ASB15: variants seen among roughly 807,000 people sequenced by gnomAD.
The protein encoded by ASB15 is ankyrin repeat and SOCS box containing 15.
A neutral mutation model predicts 58.0 loss-of-function variants in ASB15; 54 were observed. The ratio of observed to expected loss-of-function variants is 0.93; its 90% CI spans 0.75 to 1.17. The LOEUF (loss-of-function observed/expected upper bound fraction) is 1.17, where lower values mean the gene tolerates loss of function less well. ASB15 is among the 50% of genes most tolerant of loss of function. The pLI is 0.00. For missense variants in ASB15, 680 were observed against 707.4 expected (o/e 0.96, Z 0.44); for synonymous variants, 249 against 262.4 (o/e 0.95, Z 0.50).
At chr7:123,584,608 G>T (rs923646122) in intron 1 of ASB15, among the ~76,000 whole-genome samples, 11 of 151,840 alleles carry the variant, frequency 7.2e-5, no homozygotes, top group African/African-American at 2.4e-4. Context: ...ATTTTGTACA[G>T]AAAGCAAGAA....
At chr7:123,600,408 A>C (rs1214609285), upstream of ASB15, among the ~76,000 whole-genome samples, 3 of 152,226 alleles carry the variant, frequency 2.0e-5, no homozygotes, top group African/African-American at 7.2e-5. Flanking sequence ...AAGTCACTGC[A>C]ATGTGTCAAG....
intron 11 of ASB15, among the ~76,000 whole-genome samples, chr7:123,634,772 T>C (rs1802323918): frequency 6.6e-6 from 1 of 152,366 alleles, no homozygotes; most frequent in East Asian, 1.9e-4. Flanking sequence ...ATCACCATTA[T>C]ATAGCCTCCG....
intron 1 of ASB15, among the ~76,000 whole-genome samples, chr7:123,586,341 A>C (rs1264076893): frequency 6.6e-6 from 1 of 151,708 alleles, no homozygotes; most frequent in Non-Finnish European, 1.5e-5. Context: ...GATGTTGAGG[A>C]CCTTTTCACT....
At chr7:123,624,060 C>T (rs1464792970) in intron 7 of ASB15, among the ~76,000 whole-genome samples, 2 of 151,748 alleles carry the variant, frequency 1.3e-5, no homozygotes, top group Non-Finnish European at 2.9e-5. Context: ...CTATCTTTTG[C>T]GGCAAGGGGA....
chr7:123,622,291 T>C (rs1801382228), intron 7 of ASB15, among the ~76,000 whole-genome samples: 1 of 152,158 alleles, frequency 6.6e-6, no homozygotes, highest in East Asian at 1.9e-4. Context: ...ATATATAATA[T>C]GTAAACATAT....
intron 1 of ASB15, among the ~76,000 whole-genome samples, chr7:123,576,758 A>G (rs1425497264): frequency 6.6e-6 from 1 of 152,176 alleles, no homozygotes; most frequent in Non-Finnish European, 1.5e-5. Flanking sequence ...CTTCACCTTT[A>G]GAAAGTATAT....
chr7:123,619,459 C>G lies in ASB15; in HGVS notation c.451+1722C>G, dbSNP rs1471316836. On this transcript the variant is annotated intron_variant, in intron 7 of 11. Coordinates refer to ENST00000451215, the MANE Select transcript of ASB15 (RefSeq NM_001290258.2). ...TATAGGGGAACGGCAGGTGTTCTGC[C>G]CCGATACAGTTTGCTCAGTGAAGAG... 3.3e-5 allele frequency among the ~76,000 whole-genome samples: 5 copies of G among 152,056 alleles called. No homozygotes were observed. The South Asian group carries it at 1.0e-3, about 32-fold the overall frequency.
chr7:123,578,334 C>G (rs546632930), intron 1 of ASB15, among the ~76,000 whole-genome samples: 1 of 151,680 alleles, frequency 6.6e-6, no homozygotes, highest in Non-Finnish European at 1.5e-5. Flanking sequence ...CAGCAGTATT[C>G]CTGTGACTAG....
chr7:123,590,171 G>GT (rs889970448), intron 1 of ASB15, among the ~76,000 whole-genome samples: 7 of 151,600 alleles, frequency 4.6e-5, no homozygotes, highest in African/African-American at 9.7e-5. Flanking sequence ...GGGGTTGTTT[G>GT]TTTTTTTTCC....
upstream of ASB15, among the ~76,000 whole-genome samples, chr7:123,600,717 C>T (rs1041855364): frequency 7.2e-5 from 11 of 152,106 alleles, no homozygotes; most frequent in African/African-American, 2.4e-4. Context: ...CTGAAACGCA[C>T]CTTCTTTTAT....
At chr7:123,606,407 T>A (rs1800151023) in intron 2 of ASB15, among the ~76,000 whole-genome samples, 1 of 152,202 alleles carries the variant, frequency 6.6e-6, no homozygotes, top group Admixed American at 6.5e-5. Context: ...GATGCTAAGC[T>A]AATTTTCCTG....
intron 7 of ASB15, among the ~76,000 whole-genome samples, chr7:123,618,574 A>G (rs949181173): frequency 6.6e-6 from 1 of 152,168 alleles, no homozygotes; most frequent in Non-Finnish European, 1.5e-5. Context: ...TCAAGAGGGA[A>G]GAGCCATTAT....
chr7:123,603,253 G>C (rs1253087131), intron 1 of ASB15, among the ~76,000 whole-genome samples: 1 of 152,132 alleles, frequency 6.6e-6, no homozygotes, highest in Non-Finnish European at 1.5e-5. Context: ...CCTGTGCCTG[G>C]AACACAACAG....
chr7:123,621,657 G>GA (rs1336873314), intron 7 of ASB15: 11 of 152,120 alleles, frequency 7.2e-5, no homozygotes, highest in Middle Eastern at 3.2e-3. Context: ...AGAGGGCCAA[G>GA]AAAAAAATCA....
At chr7:123,587,970 C>T (rs1028247770) in intron 1 of ASB15, among the ~76,000 whole-genome samples, 4 of 151,776 alleles carry the variant, frequency 2.6e-5, no homozygotes, top group African/African-American at 9.7e-5. Flanking sequence ...CATCTATGTT[C>T]ATCAGGGATA....
At chr7:123,617,196 C>A (rs1032878312) in intron 6 of ASB15, among the ~76,000 whole-genome samples, 3 of 152,090 alleles carry the variant, frequency 2.0e-5, no homozygotes, top group Non-Finnish European at 2.9e-5. Flanking sequence ...TTTGACACAG[C>A]GATACCTACA....
chr7:123,600,146 C>T (rs1799827598), upstream of ASB15, among the ~76,000 whole-genome samples: 1 of 152,134 alleles, frequency 6.6e-6, no homozygotes. Context: ...ATCATCATCA[C>T]TCCCATACTA....
At chr7:123,572,568 G>A (rs1015486532) in intron 1 of ASB15, among the ~76,000 whole-genome samples, 3 of 150,872 alleles carry the variant, frequency 2.0e-5, no homozygotes, top group Non-Finnish European at 4.4e-5. Context: ...TCTTCTTGGT[G>A]GTTGTTCCTT....
chr7:123,630,075 C>A lies in ASB15; in HGVS notation c.1550C>A (p.Ala517Glu), dbSNP rs1399665407. The change falls in exon 11 of 12, where the codon GCA becomes GAA. Residue 517 changes from alanine to glutamate, a missense_variant. Physicochemically the swap from Ala to Glu is moderately radical, Grantham distance 107. Coordinates refer to ENST00000451215, the MANE Select transcript of ASB15 (RefSeq NM_001290258.2). ...CCTCTGTGTGCTAAACTGAAGTCTG[C>A]ACTAGAAGTACAGAGAGAATGGCCA... The part of the protein sequence containing the change: ...YVPLCAKLKS[A>E]LEVQREWPEI... 6.2e-7 allele frequency: 1 copy of A among 1,606,394 alleles called. No individual in the cohort carries two copies. The highest frequency in any genetic ancestry group is 1.7e-5 in the Admixed American group (1 of 59,742).
Sources: allele counts gnomAD v4.1 joint callset (sites outside exome capture counted in the v4.1 genomes callset), GRCh38; gene constraint gnomAD v4.1.1; transcripts MANE v1.5; gene names NCBI Gene and HGNC (gene_info 2026-07-23, HGNC 2026-07-21).